The following FRAS1 variants were observed in gnomAD, a reference collection of about 807,000 sequenced individuals.
The protein encoded by FRAS1 is Fraser extracellular matrix complex subunit 1, also known as extracellular matrix organizing protein FRAS1.
A neutral mutation model predicts 435.2 loss-of-function variants in FRAS1; 290 were observed. That is an observed-to-expected ratio of 0.67 (90% CI 0.61 to 0.73). The LOEUF is 0.73. FRAS1 is among the 30% of genes least tolerant of loss of function. The pLI is 0.00. For synonymous variants in FRAS1, 1,800 were observed against 1,851.0 expected (o/e 0.97, Z 0.71); for missense variants, 4,860 against 5,001.5 (o/e 0.97, Z 0.85).
chr4:78,239,162 G>A (rs1560597072), intron 3 of FRAS1, among the ~76,000 whole-genome samples: 1 of 152,126 alleles, frequency 6.6e-6, no homozygotes, highest in East Asian at 1.9e-4. Flanking sequence ...TCCCATCTTT[G>A]TTATATATCA....
intron 60 of FRAS1, among the ~76,000 whole-genome samples, 174 bp downstream of exon 60, chr4:78,497,135 A>G (rs1431152364): frequency 6.6e-6 from 1 of 152,208 alleles, no homozygotes; most frequent in Non-Finnish European, 1.5e-5. Flanking sequence ...CAGAGATCCA[A>G]AAAATTCATA....
intron 59 of FRAS1, among the ~76,000 whole-genome samples, chr4:78,490,332 C>T (rs1228097098): frequency 6.6e-6 from 1 of 152,166 alleles, no homozygotes; most frequent in Non-Finnish European, 1.5e-5. Flanking sequence ...GAGCTCTCCA[C>T]CCAAAATCAA....
At chr4:78,489,983 A>AAAAAG (rs1370640632) in intron 59 of FRAS1, among the ~76,000 whole-genome samples, 59 of 149,548 alleles carry the variant, frequency 3.9e-4, no homozygotes, top group African/African-American at 1.4e-3. Flanking sequence ...AAAAAAAAAA[A>AAAAAG]AAAAGAAAAG....
At chr4:78,147,327 G>A (rs533716240) in intron 2 of FRAS1, among the ~76,000 whole-genome samples, 3 of 152,206 alleles carry the variant, frequency 2.0e-5, no homozygotes, top group East Asian at 1.9e-4. Context: ...GAACAGTTAC[G>A]GAGCTGAGTT....
chr4:78,183,267 T>A (rs953730299), intron 2 of FRAS1, among the ~76,000 whole-genome samples: 1 of 152,164 alleles, frequency 6.6e-6, no homozygotes, highest in African/African-American at 2.4e-5. Flanking sequence ...ACAAACATCC[T>A]AGTTTCTGAA....
intron 22 of FRAS1, among the ~76,000 whole-genome samples, chr4:78,366,316 T>C (rs1731265763): frequency 6.6e-6 from 1 of 152,232 alleles, no homozygotes; most frequent in Admixed American, 6.5e-5. Context: ...AAGCCAATCT[T>C]GCACCAGTGC....
chr4:78,288,524 A>G (rs1468261561), intron 14 of FRAS1, among the ~76,000 whole-genome samples: 1 of 152,180 alleles, frequency 6.6e-6, no homozygotes. Context: ...TCATTTGATT[A>G]GTGGTTTACG....
chr4:78,324,367 T>C (rs1729633762), intron 18 of FRAS1, among the ~76,000 whole-genome samples: 2 of 152,212 alleles, frequency 1.3e-5, no homozygotes, highest in Admixed American at 1.3e-4. Flanking sequence ...CTGAGCGTCT[T>C]GTGTTTATCT....
At chr4:78,169,745 A>G (rs1252662180) in intron 2 of FRAS1, among the ~76,000 whole-genome samples, 1 of 147,158 alleles carries the variant, frequency 6.8e-6, no homozygotes, top group Non-Finnish European at 1.5e-5. Context: ...ATTAGCGTCA[A>G]ATGTTTTCTT....
intron 20 of FRAS1, among the ~76,000 whole-genome samples, chr4:78,344,643 T>G (rs1239839915): frequency 1.3e-5 from 2 of 152,054 alleles, no homozygotes; most frequent in African/African-American, 4.8e-5. Flanking sequence ...ATTACTTGAT[T>G]GGTGGATTAA....
chr4:78,457,032 C>T (rs780840265), intron 47 of FRAS1, among the ~76,000 whole-genome samples: 62 of 148,514 alleles, frequency 4.2e-4, no homozygotes, highest in Non-Finnish European at 6.2e-4. Context: ...GGAGGCCTAC[C>T]TCGTGCTGGA....
At chr4:78,123,109 G>C (rs577178220) in intron 2 of FRAS1, among the ~76,000 whole-genome samples, 122 of 152,300 alleles carry the variant, frequency 8.0e-4, no homozygotes, top group Non-Finnish European at 1.5e-3. Context: ...TATGGTCCTA[G>C]GTCTTACGTT....
chr4:78,259,509 T>A lies in FRAS1; in HGVS notation c.603+4134T>A, dbSNP rs979752719. Among the ~76,000 whole-genome samples the A allele has an allele frequency of 1.5e-3, 221 of 152,088 alleles. 2 individuals carry two copies. Among genetic ancestry groups the A allele is most frequent in the African/African-American group, 5.0e-3 (206 of 41,520 alleles). On this transcript the variant is annotated intron_variant, in intron 6 of 73. Transcript: ENST00000512123. ...TTTTGGCTGCATAAATGTCTTCTTT[T>A]GAGAAGTGTCTGTTCATGTCCTTCG...
chr4:78,180,856 T>C (rs1560566745), intron 2 of FRAS1: 10 of 1,578,542 alleles, frequency 6.3e-6, no homozygotes, highest in East Asian at 4.5e-5. Context: ...GGTTGTCTTA[T>C]GGCATCCAGT....
chr4:78,153,759 G>A (rs576858613), intron 2 of FRAS1, among the ~76,000 whole-genome samples: 6 of 152,256 alleles, frequency 3.9e-5, no homozygotes, highest in South Asian at 2.1e-4. Context: ...AACAGGAAAC[G>A]AAATAATTTA....
intron 2 of FRAS1, among the ~76,000 whole-genome samples, chr4:78,101,905 G>A (rs143636682): frequency 9.9e-5 from 15 of 152,180 alleles, no homozygotes; most frequent in East Asian, 3.9e-4. Flanking sequence ...CATTCCGCTC[G>A]TGTCCATTTG....
rs1734165696 is a variant in FRAS1, at chr4:78,430,349, T to C, written c.4901T>C (p.Leu1634Pro). The C allele has an allele frequency of 6.2e-7, 1 of 1,613,872 alleles. No homozygotes were observed. The highest frequency in any genetic ancestry group is 8.5e-7 in the Non-Finnish European group (1 of 1,179,848). The change falls in exon 37 of 74, where the codon CTT becomes CCT. Residue 1634 changes from leucine to proline, a missense_variant. Physicochemically the swap from Leu to Pro is moderately conservative, Grantham distance 98. Coordinates refer to ENST00000512123, the MANE Select transcript of FRAS1 (RefSeq NM_025074.7). ...ETAPKELFFE[L>P]RRPPQHGVLL... Reference sequence around the variant, plus strand: ...GCGCCCAAAGAACTCTTCTTTGAGCTTCGGAGACCTCCACAGCATGGTGTG... The same window carrying C: ...GCGCCCAAAGAACTCTTCTTTGAGCCTCGGAGACCTCCACAGCATGGTGTG...
intron 58 of FRAS1, among the ~76,000 whole-genome samples, chr4:78,486,452 G>A (rs1019134707): frequency 2.6e-5 from 4 of 152,216 alleles, no homozygotes; most frequent in Admixed American, 6.5e-5. Context: ...CAGAAAATGC[G>A]TTATACCCAA....
chr4:78,182,040 C>G lies in FRAS1; in HGVS notation c.109-55470C>G, dbSNP rs1270996811. On this transcript the variant is annotated intron_variant, in intron 2 of 73. Transcript: ENST00000512123. The stretch of plus-strand genomic sequence containing the variant: ...CAGCCGAAGCCTTCCTGTAAGTGCC[C>G]AGGCATGATGGTGGCTCGGCGGCGG... 3.3e-6 allele frequency: 5 copies of G among 1,516,766 alleles called. No homozygotes were observed. In the Admixed American group the frequency reaches 1.2e-4, roughly 36 times the overall value. 94.0% of individuals were successfully genotyped at this position (1,516,766 alleles called of 1,614,324 possible). A position where few individuals can be genotyped will look rare whatever the true frequency, so the allele number is the denominator to read the frequency against.
Sources: gnomAD v4.1 joint callset for allele counts (sites outside exome capture counted in the v4.1 genomes callset) on GRCh38, gnomAD v4.1.1 for gene constraint, MANE v1.5 for transcripts, NCBI Gene and HGNC (gene_info 2026-07-23, HGNC 2026-07-21) for gene names.